ASIC2: variants seen among roughly 807,000 people sequenced by gnomAD.
The protein encoded by ASIC2 is acid sensing ion channel subunit 2, also known as acid-sensing ion channel 2.
In ASIC2, 25 loss-of-function variants were observed where a neutral mutation model predicts 57.3. That is an observed-to-expected ratio of 0.44 (90% CI 0.32 to 0.61). ASIC2 has a LOEUF of 0.61. ASIC2 is among the 20% of genes least tolerant of loss of function. The pLI is 0.06. For missense variants in ASIC2, 641 were observed against 738.1 expected, an observed-to-expected ratio of 0.87 and a Z score of 1.52; for synonymous variants, 319 against 307.5, an observed-to-expected ratio of 1.04 and a Z score of -0.39.
At chr17:33,490,746 T>A (rs546810837) in intron 1 of ASIC2, among the ~76,000 whole-genome samples, 2 of 152,202 alleles carry the variant, frequency 1.3e-5, no homozygotes, top group Non-Finnish European at 2.9e-5. Context: ...GGGTATGTCT[T>A]TATTAGCAGT....
intron 1 of ASIC2, among the ~76,000 whole-genome samples, chr17:33,837,407 A>G (rs1913305061): frequency 6.6e-6 from 1 of 152,238 alleles, no homozygotes; most frequent in African/African-American, 2.4e-5. Context: ...CCATAATGGT[A>G]TAGATACCCA....
chr17:33,182,197 T>A (rs1327536413), intron 1 of ASIC2, among the ~76,000 whole-genome samples: 1 of 152,010 alleles, frequency 6.6e-6, no homozygotes, highest in Non-Finnish European at 1.5e-5. Context: ...GGAGAAGTGG[T>A]CAGTGAACAT....
intron 1 of ASIC2, among the ~76,000 whole-genome samples, chr17:33,474,224 G>T (rs1404153677): frequency 1.3e-5 from 2 of 152,084 alleles, no homozygotes; most frequent in African/African-American, 2.4e-5. Flanking sequence ...AAAATTAGCC[G>T]GGTGTGGTGG....
At chr17:33,570,623 C>T (rs75041309) in intron 1 of ASIC2, among the ~76,000 whole-genome samples, 1 of 152,196 alleles carries the variant, frequency 6.6e-6, no homozygotes. Context: ...ATTTTAGTTA[C>T]TTCTTGCTGT....
intron 6 of ASIC2, among the ~76,000 whole-genome samples, 182 bp downstream of exon 6, chr17:33,023,679 T>C (rs1214934541): frequency 5.9e-5 from 9 of 152,104 alleles, no homozygotes; most frequent in Non-Finnish European, 4.4e-5. Flanking sequence ...AGGGGCTGTG[T>C]CTTACTCATC....
At chr17:33,626,509 T>G (rs1188674394) in intron 1 of ASIC2, among the ~76,000 whole-genome samples, 1 of 152,224 alleles carries the variant, frequency 6.6e-6, no homozygotes, top group Non-Finnish European at 1.5e-5. Context: ...ACAGTCACTA[T>G]TTAACGAAAT....
At chr17:33,215,942 G>A (rs995756961) in intron 1 of ASIC2, among the ~76,000 whole-genome samples, 1 of 151,994 alleles carries the variant, frequency 6.6e-6, no homozygotes, top group Non-Finnish European at 1.5e-5. Context: ...CTCGTGATCC[G>A]CCCGCCTCGG....
intron 1 of ASIC2, among the ~76,000 whole-genome samples, chr17:33,974,228 T>A (rs1440861391): frequency 1.3e-5 from 2 of 152,172 alleles, no homozygotes; most frequent in Non-Finnish European, 2.9e-5. Context: ...AACTTCCCCT[T>A]TCCTGAATAG....
At chr17:33,353,794 A>C (rs1055061808) in intron 1 of ASIC2, among the ~76,000 whole-genome samples, 3 of 152,160 alleles carry the variant, frequency 2.0e-5, no homozygotes, top group African/African-American at 7.2e-5. Flanking sequence ...TGATTCAGTC[A>C]ATTAATTCAT....
At chr17:33,658,723 C>T (rs1907155070) in intron 1 of ASIC2, among the ~76,000 whole-genome samples, 1 of 152,196 alleles carries the variant, frequency 6.6e-6, no homozygotes, top group Admixed American at 6.5e-5. Context: ...TTGGCTGGAG[C>T]TGCGGCTCAC....
rs191795211 is a variant in ASIC2 at position 33,210,480 on chromosome 17, C to A, written c.708+80928G>T. Among the ~76,000 whole-genome samples, 451 of 152,270 alleles carry A rather than the reference C, an allele frequency of 3.0e-3. 4 individuals are homozygous for A. Among genetic ancestry groups the A allele is most frequent in the Non-Finnish European group, 5.0e-3 (338 of 68,008 alleles). On this transcript the variant is annotated intron_variant, in intron 1 of 9. Coordinates refer to ENST00000225823, the MANE Select transcript of ASIC2 (RefSeq NM_183377.2). ...CCATCTGCACTCTCATCCCCTCCAC[C>A]CCCCAACCCAGGCTGCCAGGCTGAG...
intron 1 of ASIC2, among the ~76,000 whole-genome samples, chr17:33,361,644 C>T (rs1908610782): frequency 6.6e-6 from 1 of 152,130 alleles, no homozygotes; most frequent in South Asian, 2.1e-4. Flanking sequence ...AGGATGATAT[C>T]CCCATTTTAT....
At chr17:33,085,756 C>T (rs1315768279) in intron 3 of ASIC2, among the ~76,000 whole-genome samples, 1 of 152,118 alleles carries the variant, frequency 6.6e-6, no homozygotes, top group African/African-American at 2.4e-5. Flanking sequence ...TGGCTGATTT[C>T]CTTCAAGTCT....
At chr17:34,145,703 C>T (rs1912397531) in intron 1 of ASIC2, among the ~76,000 whole-genome samples, 1 of 152,138 alleles carries the variant, frequency 6.6e-6, no homozygotes, top group Non-Finnish European at 1.5e-5. Context: ...TCTCATATTG[C>T]CCGTGAGCCA....
At chr17:33,294,656 C>T (rs1041359537), upstream of ASIC2, among the ~76,000 whole-genome samples, 6 of 152,114 alleles carry the variant, frequency 3.9e-5, no homozygotes, top group Non-Finnish European at 5.9e-5. Flanking sequence ...CACACATATA[C>T]ATGAACATAC....
chr17:33,100,635 G>T (rs962650994), intron 2 of ASIC2, among the ~76,000 whole-genome samples: 7 of 152,132 alleles, frequency 4.6e-5, no homozygotes, highest in African/African-American at 1.7e-4. Flanking sequence ...AAAGTTGTTG[G>T]GTGAATACAT....
intron 3 of ASIC2, among the ~76,000 whole-genome samples, chr17:33,033,612 T>C (rs868410740): frequency 4.6e-5 from 7 of 152,334 alleles, no homozygotes; most frequent in African/African-American, 1.4e-4. Context: ...GGCCTCTCTA[T>C]GCTCTTGGAG....
At chr17:33,745,202 A>C (rs1197208379) in intron 1 of ASIC2, among the ~76,000 whole-genome samples, 1 of 152,202 alleles carries the variant, frequency 6.6e-6, no homozygotes, top group Non-Finnish European at 1.5e-5. Flanking sequence ...AAGGGCCAGC[A>C]GGCTGAAGAC....
At chr17:33,142,096 C>T (rs1904339670) in intron 1 of ASIC2, among the ~76,000 whole-genome samples, 1 of 152,190 alleles carries the variant, frequency 6.6e-6, no homozygotes, top group African/African-American at 2.4e-5. Context: ...AGTTTGTTCT[C>T]TGTTGCTTTT....
Sources: allele counts gnomAD v4.1 joint callset (sites outside exome capture counted in the v4.1 genomes callset), GRCh38; gene constraint gnomAD v4.1.1; transcripts MANE v1.5; gene names NCBI Gene and HGNC (gene_info 2026-07-23, HGNC 2026-07-21).